TBC1D8: variants seen among roughly 807,000 people sequenced by gnomAD.
The protein encoded by TBC1D8 is BUB2-like protein 1.
In TBC1D8, 65 loss-of-function variants were observed where a neutral mutation model predicts 118.8. The ratio of observed to expected loss-of-function variants is 0.55; its 90% CI spans 0.45 to 0.67. TBC1D8 has a LOEUF of 0.67. Among genes scored for constraint, TBC1D8 ranks in the 30% least tolerant of loss-of-function variants. The pLI is 0.00. For missense variants in TBC1D8, 1,376 were observed against 1,471.2 expected (o/e 0.94, Z 1.06); for synonymous variants, 566 against 595.8 (o/e 0.95, Z 0.73).
At chr2:101,076,422 T>C (rs571553358) in intron 2 of TBC1D8, among the ~76,000 whole-genome samples, 1 of 152,310 alleles carries the variant, frequency 6.6e-6, no homozygotes, top group South Asian at 2.1e-4. Context: ...GATACGTGCC[T>C]CCTGAGAGAA....
chr2:101,062,727 T>C (rs1020878972), intron 2 of TBC1D8, among the ~76,000 whole-genome samples: 2 of 152,208 alleles, frequency 1.3e-5, no homozygotes, highest in Non-Finnish European at 2.9e-5. Flanking sequence ...ACTGTAACTC[T>C]GCCTCCCGGG....
chr2:101,059,894 G>A (rs972900064), intron 2 of TBC1D8, among the ~76,000 whole-genome samples: 3 of 152,086 alleles, frequency 2.0e-5, no homozygotes, highest in East Asian at 1.9e-4. Context: ...AGCCGAGATG[G>A]CATCACTGCA....
intron 17 of TBC1D8, 100 bp from the exon 18 acceptor site, chr2:101,011,640 TC>T: frequency 8.0e-7 from 1 of 1,247,212 alleles, no homozygotes; most frequent in Non-Finnish European, 1.1e-6. Context: ...AGCCAGCAGC[TC>T]CCAGCCTGTG....
rs1678857184 is a variant in TBC1D8 at position 101,007,900 on chromosome 2, G to A, written c.3389C>T (p.Ala1130Val). 6.2e-7 allele frequency: 1 copy of A among 1,613,896 alleles called. No homozygotes were observed. The highest frequency in any genetic ancestry group is 8.5e-7 in the Non-Finnish European group (1 of 1,179,904). ...TTTGAGATTGTACTGATTGATCTTG[G>A]CATTTTCAAGTTTGGATTTCATGTC... ...PLDMKSKLEN[A>V]KINQYNLKTF... The change falls in exon 20 of 20, where the codon GCC becomes GTC. Residue 1130 changes from alanine to valine, a missense_variant. By Grantham distance (64) the Ala-to-Val change is moderately conservative. Transcript: ENST00000409318.
chr2:101,019,102 A>C (rs981842181), intron 17 of TBC1D8: 3 of 1,571,372 alleles, frequency 1.9e-6, no homozygotes, highest in Non-Finnish European at 2.6e-6. Flanking sequence ...CCTGAGCTGC[A>C]GCAGATGCCT....
chr2:101,151,256 C>A lies in TBC1D8; in HGVS notation c.-3G>T. 8.7e-7 allele frequency: 1 copy of A among 1,151,332 alleles called. No individual in the cohort carries two copies. Among genetic ancestry groups the A allele is most frequent in the Non-Finnish European group, 1.1e-6 (1 of 920,624 alleles). 71.3% of individuals were successfully genotyped at this position (1,151,332 alleles called of 1,614,324 possible). A position where few individuals can be genotyped will look rare whatever the true frequency, so the allele number is the denominator to read the frequency against. On this transcript the variant is annotated 5_prime_UTR_variant, in exon 1 of 20. Transcript: ENST00000409318. ...ACCTCCTCGGGCTTGAGCCACATCG[C>A]GGCGGTCCGGCCGCGCCCGCCGGCC...
intron 17 of TBC1D8, among the ~76,000 whole-genome samples, chr2:101,013,573 G>A (rs181265732): frequency 4.6e-5 from 7 of 152,310 alleles, no homozygotes; most frequent in African/African-American, 1.4e-4. Flanking sequence ...CTGTTTGAAG[G>A]TAGTAGGTAA....
At chr2:101,086,416 T>G (rs1675631584) in intron 2 of TBC1D8, among the ~76,000 whole-genome samples, 1 of 152,088 alleles carries the variant, frequency 6.6e-6, no homozygotes, top group Non-Finnish European at 1.5e-5. Context: ...CTAAAGTGAT[T>G]AAAGAAACCA....
chr2:101,084,678 T>A (rs1675485297), intron 2 of TBC1D8, among the ~76,000 whole-genome samples: 1 of 151,882 alleles, frequency 6.6e-6, no homozygotes, highest in Admixed American at 6.6e-5. Flanking sequence ...CTATCTGCCT[T>A]CCCCCAGGTC....
intron 1 of TBC1D8, among the ~76,000 whole-genome samples, chr2:101,128,300 CTTTGTT>C (rs1678438228): frequency 6.6e-6 from 1 of 152,212 alleles, no homozygotes; most frequent in Non-Finnish European, 1.5e-5. Flanking sequence ...AATTCTCATT[CTTTGTT>C]TTTAAGTCAA....
intron 15 of TBC1D8, among the ~76,000 whole-genome samples, chr2:101,023,366 G>A (rs900310287): frequency 2.0e-5 from 3 of 151,938 alleles, no homozygotes; most frequent in East Asian, 2.0e-4. Flanking sequence ...GGCTGGTCTC[G>A]AACTCTTGAC....
chr2:101,101,608 T>G (rs34343486), intron 1 of TBC1D8, among the ~76,000 whole-genome samples: 22,930 of 152,206 alleles, frequency 0.15, 1,893 homozygotes, highest in Middle Eastern at 0.24. Context: ...GTATGTTTAT[T>G]GCAGCACTAT....
At position 101,007,662 on chromosome 2, in the gene TBC1D8, G is replaced by A; in HGVS notation, c.*159C>T. 2 of 702,110 alleles carry A rather than the reference G, an allele frequency of 2.8e-6. No homozygotes were observed. The highest frequency in any genetic ancestry group is 2.7e-5 in the Admixed American group (1 of 36,792). 43.5% of individuals were successfully genotyped at this position (702,110 alleles called of 1,614,324 possible). Reference sequence around the variant, plus strand: ...TTCTCAATACATAGAAATGCTTGAGGGTTGTGTCGGTTCCCCTGGCCACAG... The same window carrying A: ...TTCTCAATACATAGAAATGCTTGAGAGTTGTGTCGGTTCCCCTGGCCACAG... On this transcript the variant is annotated 3_prime_UTR_variant, in exon 20 of 20. Coordinates refer to ENST00000409318, the MANE Select transcript of TBC1D8 (RefSeq NM_001330348.2).
chr2:101,075,016 A>G (rs1674716757), intron 2 of TBC1D8, among the ~76,000 whole-genome samples: 2 of 152,226 alleles, frequency 1.3e-5, no homozygotes, highest in African/African-American at 4.8e-5. Context: ...ACCAATTCCA[A>G]ATAAAAGGTA....
chr2:101,030,703 T>C (rs1680620127), intron 11 of TBC1D8, among the ~76,000 whole-genome samples: 1 of 152,252 alleles, frequency 6.6e-6, no homozygotes, highest in African/African-American at 2.4e-5. Context: ...CTTATATGAC[T>C]GCTCATTGCT....
At chr2:101,051,476 A>G (rs184753045) in intron 4 of TBC1D8, among the ~76,000 whole-genome samples, 2 of 152,350 alleles carry the variant, frequency 1.3e-5, no homozygotes, top group Admixed American at 6.5e-5. Context: ...TAAGTGAAAG[A>G]GCTTCTGCAC....
chr2:101,137,929 C>G (rs1678927834), intron 1 of TBC1D8, among the ~76,000 whole-genome samples: 1 of 152,146 alleles, frequency 6.6e-6, no homozygotes, highest in African/African-American at 2.4e-5. Flanking sequence ...ATACCCGCGA[C>G]TGGGTAATTT....
chr2:101,105,957 T>A (rs1677183107), intron 1 of TBC1D8, among the ~76,000 whole-genome samples: 2 of 152,066 alleles, frequency 1.3e-5, no homozygotes, highest in South Asian at 4.1e-4. Flanking sequence ...TAAAACTGGA[T>A]GCAGCCAAGA....
chr2:101,147,212 T>C (rs896057704), intron 1 of TBC1D8, among the ~76,000 whole-genome samples: 1 of 147,616 alleles, frequency 6.8e-6, no homozygotes, highest in African/African-American at 2.4e-5. Flanking sequence ...TCCTTATTTA[T>C]CTCTTGTTGG....
Sources: allele counts gnomAD v4.1 joint callset (sites outside exome capture counted in the v4.1 genomes callset), GRCh38; gene constraint gnomAD v4.1.1; transcripts MANE v1.5; gene names NCBI Gene and HGNC (gene_info 2026-07-23, HGNC 2026-07-21).